The following KIF16B variants were observed in gnomAD, a reference collection of about 807,000 sequenced individuals.
KIF16B encodes kinesin family member 16B.
In KIF16B, 98 loss-of-function variants were observed where a neutral mutation model predicts 156.3. That is an observed-to-expected ratio of 0.63 (90% confidence interval 0.53 to 0.74). The LOEUF (loss-of-function observed/expected upper bound fraction) is 0.74, where lower values mean the gene tolerates loss of function less well. Among genes scored for constraint, KIF16B ranks in the 30% least tolerant of loss-of-function variants. The pLI is 0.00. For synonymous variants in KIF16B, 564 were observed against 583.7 expected (o/e 0.97, Z 0.49); for missense variants, 1,421 against 1,606.5 (o/e 0.88, Z 1.97).
chr20:16,514,787 G>A (rs528560825), intron 4 of KIF16B, among the ~76,000 whole-genome samples: 4 of 147,784 alleles, frequency 2.7e-5, no homozygotes, highest in African/African-American at 7.5e-5. Flanking sequence ...TTGGGAGGCT[G>A]AGGCAGGAGA....
At chr20:16,318,636 T>C (rs749085472) in intron 24 of KIF16B, among the ~76,000 whole-genome samples, 4 of 152,140 alleles carry the variant, frequency 2.6e-5, no homozygotes, top group Non-Finnish European at 5.9e-5. Flanking sequence ...TAAAAAGTAT[T>C]GGTGGATAAC....
At chr20:16,275,311 C>T (rs2063044543) in intron 25 of KIF16B, among the ~76,000 whole-genome samples, 1 of 152,204 alleles carries the variant, frequency 6.6e-6, no homozygotes, top group African/African-American at 2.4e-5. Flanking sequence ...CCCCCTTGGC[C>T]TCCCAAAGTA....
At chr20:16,371,547 G>A (rs1426556093) in intron 21 of KIF16B, 118 bp downstream of exon 21, 7 of 607,262 alleles carry the variant, frequency 1.2e-5, no homozygotes, top group African/African-American at 2.0e-5. Context: ...CCAAGATGGT[G>A]CCACTGCACT....
intron 25 of KIF16B, among the ~76,000 whole-genome samples, chr20:16,295,800 A>T (rs1256743317): frequency 6.6e-6 from 1 of 152,228 alleles, no homozygotes; most frequent in Non-Finnish European, 1.5e-5. Flanking sequence ...GGCAGAAATG[A>T]GCAGCTACAG....
chr20:16,530,969 G>A (rs1337234321), intron 1 of KIF16B, among the ~76,000 whole-genome samples: 1 of 152,034 alleles, frequency 6.6e-6, no homozygotes, highest in African/African-American at 2.4e-5. Context: ...CCAAATTGCT[G>A]GGATTACACA....
At chr20:16,423,109 G>A (rs1381677456) in intron 15 of KIF16B, among the ~76,000 whole-genome samples, 1 of 152,014 alleles carries the variant, frequency 6.6e-6, no homozygotes, top group Non-Finnish European at 1.5e-5. Flanking sequence ...TCTTCAAAAG[G>A]GAGGTGGGTA....
chr20:16,475,715 G>A (rs924778162), intron 12 of KIF16B, among the ~76,000 whole-genome samples: 18 of 152,144 alleles, frequency 1.2e-4, no homozygotes, highest in Non-Finnish European at 2.4e-4. Flanking sequence ...AAGAAGAAAT[G>A]ATATTACAAG....
At chr20:16,274,218 G>A (rs957979897) in intron 25 of KIF16B, among the ~76,000 whole-genome samples, 3 of 152,166 alleles carry the variant, frequency 2.0e-5, no homozygotes, top group African/African-American at 7.2e-5. Context: ...GGACAAGAGG[G>A]TCAGTTCCAA....
At chr20:16,539,156 A>G (rs2070097122) in intron 1 of KIF16B, among the ~76,000 whole-genome samples, 2 of 152,134 alleles carry the variant, frequency 1.3e-5, no homozygotes, top group Admixed American at 1.3e-4. Context: ...GCAGTAGGGC[A>G]TTGCTATAGA....
At chr20:16,391,259 A>T (rs1264543124) in intron 17 of KIF16B, among the ~76,000 whole-genome samples, 1 of 152,054 alleles carries the variant, frequency 6.6e-6, no homozygotes, top group African/African-American at 2.4e-5. Context: ...GGTCCAGATG[A>T]CACACTCTCG....
At position 16,379,058 on chromosome 20, in the gene KIF16B, G is replaced by T; in HGVS notation, c.2944C>A (p.Gln982Lys). 2 of 1,611,460 alleles carry T rather than the reference G, an allele frequency of 1.2e-6. No homozygotes were observed. The highest frequency in any genetic ancestry group is 1.7e-6 in the Non-Finnish European group (2 of 1,178,466). The part of the protein sequence containing the change: ...TFEFTANIAR[Q>K]EEKVRKKEKE... The stretch of plus-strand genomic sequence containing the variant: ...TCCTTTTTCCTCACTTTTTCCTCCT[G>T]ACGTGCAATGTTGGCAGTGAATTCA... The change falls in exon 19 of 26, where the codon CAG becomes AAG. Residue 982 changes from glutamine to lysine, a missense_variant. Gln to Lys is a moderately conservative substitution (Grantham distance 53). Coordinates refer to ENST00000354981, the MANE Select transcript of KIF16B (RefSeq NM_024704.5).
In KIF16B at chr20:16,312,367, G is replaced by C. The variant is rs180803641; in HGVS notation, c.3763C>G (p.Arg1255Gly). The C allele has an allele frequency of 2.5e-6, 4 of 1,613,496 alleles. No individual in the cohort carries two copies. The highest frequency in any genetic ancestry group is 3.4e-6 in the Non-Finnish European group (4 of 1,179,704). Residue 1255 changes from arginine to glycine, a missense_variant, in exon 25 of 26, where the codon CGT becomes GGT. Physicochemically the swap from Arg to Gly is moderately radical, Grantham distance 125. Coordinates refer to ENST00000354981, the MANE Select transcript of KIF16B (RefSeq NM_024704.5). ...TGACTTCGTCTCTCAGCAATCACAC[G>C]TTCATCCTTATTTCCAAATAGTTTC... is the stretch of plus-strand genomic sequence containing the variant. Reference protein sequence around the residue: ...PKKLFGNKDERVIAERRSHLE... With the variant: ...PKKLFGNKDEGVIAERRSHLE...
chr20:16,543,806 T>C (rs745680454), intron 1 of KIF16B, among the ~76,000 whole-genome samples: 20 of 152,150 alleles, frequency 1.3e-4, no homozygotes, highest in Non-Finnish European at 2.8e-4. Flanking sequence ...ACTTAGCCCA[T>C]GACATCACCT....
chr20:16,447,181 C>G (rs1478577428), intron 12 of KIF16B, among the ~76,000 whole-genome samples: 1 of 152,138 alleles, frequency 6.6e-6, no homozygotes, highest in East Asian at 1.9e-4. Context: ...CGTAGAACAT[C>G]TGCACTTTAA....
At chr20:16,386,447 G>T (rs541551466) in intron 17 of KIF16B, among the ~76,000 whole-genome samples, 1 of 151,978 alleles carries the variant, frequency 6.6e-6, no homozygotes, top group Non-Finnish European at 1.5e-5. Context: ...CTGGGCTGGG[G>T]CTGGGGCTGG....
chr20:16,430,837 G>C (rs1382775367), intron 12 of KIF16B, among the ~76,000 whole-genome samples: 1 of 143,906 alleles, frequency 6.9e-6, no homozygotes, highest in East Asian at 1.9e-4. Flanking sequence ...TGAGTATACT[G>C]TGTGTGTGTA....
intron 15 of KIF16B, among the ~76,000 whole-genome samples, chr20:16,410,323 A>G (rs979179364): frequency 1.4e-3 from 206 of 146,168 alleles, no homozygotes; most frequent in South Asian, 7.4e-3. Context: ...GTGTGTGTAT[A>G]TGTGTGTGTG....
At chr20:16,385,970 C>A (rs2876428) in intron 17 of KIF16B, among the ~76,000 whole-genome samples, 2 of 152,072 alleles carry the variant, frequency 1.3e-5, no homozygotes, top group Non-Finnish European at 2.9e-5. Flanking sequence ...TGCTTTCAAG[C>A]TAAGCTCAGT....
intron 3 of KIF16B, among the ~76,000 whole-genome samples, chr20:16,525,008 A>C (rs2069488031): frequency 6.6e-6 from 1 of 152,134 alleles, no homozygotes; most frequent in African/African-American, 2.4e-5. Flanking sequence ...GGGGAACATC[A>C]CATACCAAAG....
Sources: gnomAD v4.1 joint callset for allele counts (sites outside exome capture counted in the v4.1 genomes callset) on GRCh38, gnomAD v4.1.1 for gene constraint, MANE v1.5 for transcripts, NCBI Gene and HGNC (gene_info 2026-07-23, HGNC 2026-07-21) for gene names.